Variants in SLC14A2 observed in about 807,000 individuals in gnomAD.
SLC14A2 encodes solute carrier family 14 member 2.
In SLC14A2, 91 loss-of-function variants were observed where a neutral mutation model predicts 104.6. The ratio of observed to expected loss-of-function variants is 0.87; its 90% CI spans 0.73 to 1.04. SLC14A2 has a LOEUF of 1.04. SLC14A2 is among the 50% of genes least tolerant of loss of function. SLC14A2 has a pLI of 0.00. For synonymous variants in SLC14A2, 476 were observed against 466.4 expected (o/e 1.02, Z -0.27); for missense variants, 1,189 against 1,156.0 (o/e 1.03, Z -0.41).
chr18:45,386,168 G>C (rs2031398232), intron 1 of SLC14A2, among the ~76,000 whole-genome samples: 1 of 152,202 alleles, frequency 6.6e-6, no homozygotes, highest in Non-Finnish European at 1.5e-5. Context: ...TCTGGGGTAA[G>C]TGAGGAGTCC....
intron 1 of SLC14A2, among the ~76,000 whole-genome samples, chr18:45,331,508 G>A (rs572175883): frequency 3.9e-5 from 6 of 152,010 alleles, no homozygotes; most frequent in East Asian, 3.9e-4. Flanking sequence ...TGGCTAACAC[G>A]TGAAACCCTG....
the SLC14A2 span, among the ~76,000 whole-genome samples, chr18:45,189,819 A>C: frequency 6.6e-6 from 1 of 152,222 alleles, no homozygotes; most frequent in African/African-American, 2.4e-5. Context: ...GCAAAATCAC[A>C]AACTGACAAA....
the SLC14A2 span, among the ~76,000 whole-genome samples, chr18:45,192,642 T>TTTTTTTGTTTTGTTTTG: frequency 5.4e-4 from 78 of 144,924 alleles, no homozygotes; most frequent in South Asian, 2.7e-3. Flanking sequence ...GTGTGGTTTT[T>TTTTTTTGTTTTGTTTTG]TTTTGTTTTG....
rs67864793 is a variant in SLC14A2, at chr18:45,250,755, C to CTTTTTTTTTTTTTTTTTTTTTT, written c.-125+37585_-125+37586insTTTTTTTTTTTTTTTTTTTTTT. On this transcript the variant is annotated intron_variant, in intron 1 of 20. Coordinates refer to the SLC14A2 transcript ENST00000586448. ...GAATCCTCTGGCTAGTGGCTTCTTC[C>CTTTTTTTTTTTTTTTTTTTTTT]TTTTTTTTTTTTTTTTTTTTTGGCT... 4.0e-4 allele frequency among the ~76,000 whole-genome samples: 38 copies of CTTTTTTTTTTTTTTTTTTTTTT among 93,884 alleles called. 1 individual carries two copies. Among genetic ancestry groups the CTTTTTTTTTTTTTTTTTTTTTT allele is most frequent in the African/African-American group, 1.4e-3 (32 of 22,932 alleles). The allele number at this position is 93,884 out of a possible 152,430, so 61.6% of individuals were successfully genotyped here.
At chr18:45,214,695 G>A (rs1229013552) in intron 1 of SLC14A2, among the ~76,000 whole-genome samples, 1 of 151,940 alleles carries the variant, frequency 6.6e-6, no homozygotes, top group East Asian at 1.9e-4. Context: ...TTGATTTCTT[G>A]GCTTGCATGT....
chr18:45,672,573 T>G (rs1419053060), intron 16 of SLC14A2, among the ~76,000 whole-genome samples: 1 of 152,150 alleles, frequency 6.6e-6, no homozygotes, highest in African/African-American at 2.4e-5. Flanking sequence ...AACCCCAACT[T>G]TGATCAGACA....
chr18:45,512,809 G>T (rs1221556288), intron 2 of SLC14A2, among the ~76,000 whole-genome samples: 1 of 152,132 alleles, frequency 6.6e-6, no homozygotes, highest in African/African-American at 2.4e-5. Context: ...TTACTGGATT[G>T]GGGGGAGCTG....
Position 45,601,478 on chromosome 18 carries a change from A to T in SLC14A2, c.-34-23153A>T, listed in dbSNP as rs16978423. 6.2e-3 allele frequency among the ~76,000 whole-genome samples: 938 copies of T among 152,332 alleles called. 8 individuals carry two copies. Among genetic ancestry groups the T allele is most frequent in the African/African-American group, 0.021 (890 of 41,566 alleles). ...TACCATCGAATTGTTCTATGGCCAC[A>T]TAGTAAGAAAGGGACAAGGTTGGAT... On this transcript the variant is annotated intron_variant, in intron 2 of 20. Transcript: ENST00000586448.
At chr18:45,294,062 T>G (rs2084897438) in intron 1 of SLC14A2, among the ~76,000 whole-genome samples, 1 of 152,208 alleles carries the variant, frequency 6.6e-6, no homozygotes, top group Non-Finnish European at 1.5e-5. Flanking sequence ...AGATACTGTC[T>G]TAAAAGAGTC....
At chr18:45,407,514 T>C (rs2086168185) in intron 1 of SLC14A2, among the ~76,000 whole-genome samples, 1 of 152,188 alleles carries the variant, frequency 6.6e-6, no homozygotes, top group African/African-American at 2.4e-5. Flanking sequence ...AGTAGCATCT[T>C]TAATGTCCTT....
chr18:45,586,996 TA>T (rs1349196340), intron 2 of SLC14A2, among the ~76,000 whole-genome samples: 1 of 152,176 alleles, frequency 6.6e-6, no homozygotes, highest in Non-Finnish European at 1.5e-5. Context: ...TATTTTAAAT[TA>T]TTTTTTTTGA....
At chr18:45,438,539 G>A (rs1357221159) in intron 1 of SLC14A2, among the ~76,000 whole-genome samples, 2 of 152,148 alleles carry the variant, frequency 1.3e-5, no homozygotes, top group Non-Finnish European at 2.9e-5. Context: ...GAGAGAGAAG[G>A]AGAGAGATCT....
At chr18:45,397,289 T>G (rs1011553594) in intron 1 of SLC14A2, among the ~76,000 whole-genome samples, 2 of 152,114 alleles carry the variant, frequency 1.3e-5, no homozygotes, top group Non-Finnish European at 2.9e-5. Flanking sequence ...CAACACCATA[T>G]GTATTCCCTT....
intron 1 of SLC14A2, among the ~76,000 whole-genome samples, chr18:45,256,805 A>G (rs573383829): frequency 1.3e-5 from 2 of 152,318 alleles, no homozygotes; most frequent in Non-Finnish European, 2.9e-5. Flanking sequence ...GAAAGGGAAA[A>G]GGGGCAAATC....
intron 2 of SLC14A2, among the ~76,000 whole-genome samples, chr18:45,522,973 C>A (rs377598690): frequency 6.6e-6 from 1 of 152,108 alleles, no homozygotes; most frequent in Non-Finnish European, 1.5e-5. Context: ...TGGCTTGGCA[C>A]GCATGCAACC....
rs187393179 is a variant in SLC14A2 at position 45,259,921 on chromosome 18, A to G, written c.-125+46730A>G. Among the ~76,000 whole-genome samples the G allele has an allele frequency of 9.6e-4, 146 of 152,284 alleles. 1 individual carries two copies. The highest frequency in any genetic ancestry group is 3.4e-3 in the African/African-American group (143 of 41,564). On this transcript the variant is annotated intron_variant, in intron 1 of 20. Transcript: ENST00000586448. ...AGCACAAAGCTTGAGCATTGGGCTC[A>G]GTATTTCTGAATTTGTCTTCTCAGA...
intron 2 of SLC14A2, among the ~76,000 whole-genome samples, chr18:45,553,194 C>T (rs2044080137): frequency 6.6e-6 from 1 of 152,226 alleles, no homozygotes; most frequent in South Asian, 2.1e-4. Flanking sequence ...ATTGGGCAAA[C>T]ACTTGATGTC....
rs150631789 is a variant in SLC14A2 at position 45,303,893 on chromosome 18, A to G, written c.-125+90702A>G. On this transcript the variant is annotated intron_variant, in intron 1 of 20. Coordinates refer to the SLC14A2 transcript ENST00000586448. ...CCTGTTCCCACCAGTCAATGCTCCC[A>G]CTGCTCCTCCAGCATCTAGCACAGA... Among the ~76,000 whole-genome samples the G allele has an allele frequency of 4.6e-3, 699 of 152,322 alleles. 6 individuals carry two copies. Among genetic ancestry groups the G allele is most frequent in the Middle Eastern group, 0.014 (4 of 294 alleles).
intron 2 of SLC14A2, among the ~76,000 whole-genome samples, chr18:45,597,730 A>G (rs1599046402): frequency 6.6e-6 from 1 of 152,310 alleles, no homozygotes; most frequent in East Asian, 1.9e-4. Context: ...TGTGTGGAAA[A>G]TGGACTGAGG....
Sources: gnomAD v4.1 joint callset for allele counts (sites outside exome capture counted in the v4.1 genomes callset) on GRCh38, gnomAD v4.1.1 for gene constraint, MANE v1.5 for transcripts, NCBI Gene and HGNC (gene_info 2026-07-23, HGNC 2026-07-21) for gene names.